Variants in CSMD1 observed in about 807,000 individuals in gnomAD.
The protein encoded by CSMD1 is CUB and Sushi multiple domains 1, also known as CUB and sushi domain-containing protein 1.
Under a neutral mutation model 417.5 loss-of-function variants are expected in CSMD1, and 213 were observed. The observed-to-expected ratio is 0.51, with a 90% confidence interval of 0.46 to 0.57. The LOEUF (loss-of-function observed/expected upper bound fraction) is 0.57. Ranked by LOEUF, CSMD1 falls within the 20% of genes least tolerant of loss-of-function variation. CSMD1 has a pLI of 0.00. For synonymous variants in CSMD1, 2,862 were observed against 1,736.8 expected (o/e 1.65, Z -16.11); for missense variants, 6,923 against 4,529.7 (o/e 1.53, Z -15.17).
chr8:4,310,071 G>C (rs1487979950), intron 3 of CSMD1, among the ~76,000 whole-genome samples: 2 of 152,144 alleles, frequency 1.3e-5, no homozygotes, highest in African/African-American at 2.4e-5. Flanking sequence ...TATCAGGAAT[G>C]CTAAGGTCTG....
At chr8:4,164,707 G>A (rs1430516369) in intron 3 of CSMD1, among the ~76,000 whole-genome samples, 1 of 151,994 alleles carries the variant, frequency 6.6e-6, no homozygotes, top group Non-Finnish European at 1.5e-5. Flanking sequence ...TGAGGTGGAG[G>A]AAAGATTCAA....
rs1302007194 is a variant in CSMD1 at position 4,565,395 on chromosome 8, T to A, written c.302+71947A>T. 2.0e-5 allele frequency among the ~76,000 whole-genome samples: 3 copies of A among 152,228 alleles called. No homozygotes were observed. The East Asian group carries it at 5.8e-4, about 29-fold the overall frequency. On this transcript the variant is annotated intron_variant, in intron 2 of 69. Transcript: ENST00000635120. ...TGTGGTATGCCCACACTTAACCTCTTCATTTTACATTGCAGTGGAATAATT... is the reference window on the plus strand; with the variant it reads ...TGTGGTATGCCCACACTTAACCTCTACATTTTACATTGCAGTGGAATAATT...
At chr8:2,964,807 A>T (rs1007551306) in intron 59 of CSMD1, among the ~76,000 whole-genome samples, 13 of 152,016 alleles carry the variant, frequency 8.6e-5, no homozygotes, top group African/African-American at 3.1e-4. Flanking sequence ...GAACACGCCC[A>T]TGTCAGAAGA....
intron 5 of CSMD1, among the ~76,000 whole-genome samples, chr8:3,853,636 G>A (rs1454040305): frequency 1.3e-5 from 2 of 151,996 alleles, no homozygotes; most frequent in Non-Finnish European, 2.9e-5. Context: ...GCCCCTGTGA[G>A]CAATGCTCCT....
At chr8:3,630,644 C>G (rs1405576630) in intron 7 of CSMD1, among the ~76,000 whole-genome samples, 1 of 152,108 alleles carries the variant, frequency 6.6e-6, no homozygotes, top group Non-Finnish European at 1.5e-5. Context: ...TGAAGGGCAG[C>G]AGACAGATTT....
chr8:4,419,298 T>C (rs961303315), intron 3 of CSMD1, among the ~76,000 whole-genome samples: 1 of 152,186 alleles, frequency 6.6e-6, no homozygotes, highest in Non-Finnish European at 1.5e-5. Flanking sequence ...CATCGGCCTT[T>C]AAAGTATTAA....
intron 20 of CSMD1, among the ~76,000 whole-genome samples, chr8:3,362,977 T>C (rs1355750819): frequency 6.6e-6 from 1 of 152,220 alleles, no homozygotes; most frequent in Non-Finnish European, 1.5e-5. Context: ...ATCCAATGGC[T>C]TCATGCAACA....
At chr8:4,596,001 A>G (rs866855309) in intron 2 of CSMD1, among the ~76,000 whole-genome samples, 9 of 151,972 alleles carry the variant, frequency 5.9e-5, no homozygotes, top group African/African-American at 2.2e-4. Context: ...TCTCCCCATA[A>G]CCAGATCCAC....
intron 26 of CSMD1, among the ~76,000 whole-genome samples, chr8:3,273,481 TG>T (rs1802031498): frequency 7.2e-6 from 1 of 138,164 alleles, no homozygotes; most frequent in African/African-American, 2.6e-5. Context: ...CTTTTTCTAT[TG>T]ATTGGAATAG....
At position 3,059,568 on chromosome 8, in the gene CSMD1, G is replaced by A. The variant is rs779698762; in HGVS notation, c.7475-6921C>T. On this transcript the variant is annotated intron_variant, in intron 49 of 69. Coordinates refer to ENST00000635120, the MANE Select transcript of CSMD1 (RefSeq NM_033225.6). ...CAGGCATGTAGCTTATAGGAGGCAC[G>A]TCAGGACACCCTTCAGAGTTTGAAG... Among the ~76,000 whole-genome samples the A allele has an allele frequency of 5.9e-5, 9 of 152,240 alleles. No homozygotes were observed. The South Asian group carries it at 8.3e-4, about 14-fold the overall frequency.
intron 21 of CSMD1, among the ~76,000 whole-genome samples, chr8:3,356,190 T>A (rs1402139235): frequency 6.6e-6 from 1 of 152,200 alleles, no homozygotes; most frequent in Non-Finnish European, 1.5e-5. Flanking sequence ...TTGCCTCTTT[T>A]TTGCCACAGG....
At position 3,272,143 on chromosome 8, in the gene CSMD1, G is replaced by T. The variant is rs76754394; in HGVS notation, c.4153+12001C>A. Among the ~76,000 whole-genome samples the T allele has an allele frequency of 8.9e-4, 121 of 136,004 alleles. 4 individuals are homozygous for T. The highest frequency in any genetic ancestry group is 3.8e-3 in the Middle Eastern group (1 of 260). The allele number at this position is 136,004 out of a possible 152,430, so 89.2% of individuals were successfully genotyped here. On this transcript the variant is annotated intron_variant, in intron 26 of 69. Transcript: ENST00000635120. Reference sequence around the variant, plus strand: ...GGAAGGGATCCAGTTTCAGCTTTCTGCATATGGTTAGCCAGTTTTCCCAGC... The same window carrying T: ...GGAAGGGATCCAGTTTCAGCTTTCTTCATATGGTTAGCCAGTTTTCCCAGC...
intron 2 of CSMD1, among the ~76,000 whole-genome samples, chr8:4,504,840 C>G (rs988850103): frequency 6.6e-6 from 1 of 152,166 alleles, no homozygotes. Context: ...GCATAGTATT[C>G]CATGATATAT....
rs939294760 is a variant in CSMD1, at chr8:4,513,196, G to T, written c.303-93131C>A. Among the ~76,000 whole-genome samples the T allele has an allele frequency of 2.0e-5, 3 of 152,234 alleles. No individual in the cohort carries two copies. The East Asian group carries it at 5.8e-4, about 29-fold the overall frequency. On this transcript the variant is annotated intron_variant, in intron 2 of 69. Coordinates refer to ENST00000635120, the MANE Select transcript of CSMD1 (RefSeq NM_033225.6). ...AGTAGGTTCATTGATTGTAATAAAT[G>T]TACCATTCTTATGGGGGGATGTTGA...
At chr8:4,953,162 T>C (rs190035527) in intron 1 of CSMD1, among the ~76,000 whole-genome samples, 6 of 152,298 alleles carry the variant, frequency 3.9e-5, no homozygotes, top group African/African-American at 4.8e-5. Flanking sequence ...AGGTAGAAGA[T>C]ACACTCAAAG....
intron 1 of CSMD1, among the ~76,000 whole-genome samples, chr8:4,922,570 G>C (rs1380136763): frequency 1.3e-5 from 2 of 152,060 alleles, no homozygotes; most frequent in Non-Finnish European, 2.9e-5. Context: ...TATTACATTT[G>C]TTTTCTATAA....
chr8:4,952,876 T>G lies in CSMD1; in HGVS notation c.85+41456A>C, dbSNP rs189193635. Among the ~76,000 whole-genome samples the G allele has an allele frequency of 3.9e-3, 595 of 152,256 alleles. 2 individuals are homozygous for G. Among genetic ancestry groups the G allele is most frequent in the African/African-American group, 0.014 (574 of 41,574 alleles). On this transcript the variant is annotated intron_variant, in intron 1 of 69. Coordinates refer to ENST00000635120, the MANE Select transcript of CSMD1 (RefSeq NM_033225.6). ...AGCTTGTTGGATGTAGACTGTGATG[T>G]TGTTAACAAATGTTTTTGAATGAAA... is the stretch of plus-strand genomic sequence containing the variant.
chr8:3,619,824 A>G (rs1584971570), intron 7 of CSMD1, among the ~76,000 whole-genome samples: 1 of 152,224 alleles, frequency 6.6e-6, no homozygotes, highest in Non-Finnish European at 1.5e-5. Flanking sequence ...ACAACGTAAT[A>G]TATTCAATAG....
chr8:4,519,666 C>T (rs111724980), intron 2 of CSMD1, among the ~76,000 whole-genome samples: 1,684 of 136,124 alleles, frequency 0.012, 38 homozygotes, highest in African/African-American at 0.044. Flanking sequence ...TCACTTGAAC[C>T]CAGGAGGCAG....
Sources: gnomAD v4.1 joint callset for allele counts (sites outside exome capture counted in the v4.1 genomes callset) on GRCh38, gnomAD v4.1.1 for gene constraint, MANE v1.5 for transcripts, NCBI Gene and HGNC (gene_info 2026-07-23, HGNC 2026-07-21) for gene names.